Variants in FGF14 observed in about 807,000 individuals in gnomAD.
The protein encoded by FGF14 is fibroblast growth factor 14.
Under a neutral mutation model 25.5 loss-of-function variants are expected in FGF14, and 5 were observed. The ratio of observed to expected loss-of-function variants is 0.20; its 90% CI spans 0.10 to 0.41. The LOEUF (loss-of-function observed/expected upper bound fraction) is 0.41, where lower values mean the gene tolerates loss of function less well. FGF14 is among the 10% of genes least tolerant of loss of function. The probability of loss-of-function intolerance (pLI) is 1.00; values close to 1 mark genes in which losing one functional copy is unlikely to be tolerated. For synonymous variants in FGF14, 138 were observed against 118.3 expected (o/e 1.17, Z -1.08); for missense variants, 222 against 320.1 (o/e 0.69, Z 2.34).
intron 3 of FGF14, among the ~76,000 whole-genome samples, chr13:101,807,246 G>T (rs1428894847): frequency 6.6e-6 from 1 of 151,996 alleles, no homozygotes; most frequent in Non-Finnish European, 1.5e-5. Context: ...TTCCCATTTT[G>T]ATCATTGAAA....
intron 1 of FGF14, among the ~76,000 whole-genome samples, chr13:102,035,600 AC>A (rs938034692): frequency 6.6e-6 from 1 of 152,162 alleles, no homozygotes; most frequent in Non-Finnish European, 1.5e-5. Context: ...TGCATTGCTA[AC>A]TTTTACTTTT....
At chr13:101,972,799 G>A (rs750274912) in intron 1 of FGF14, among the ~76,000 whole-genome samples, 13 of 152,156 alleles carry the variant, frequency 8.5e-5, no homozygotes, top group Admixed American at 3.9e-4. Flanking sequence ...ATGAGCCACC[G>A]TGCCCAGCTT....
chr13:101,966,039 C>A (rs543850939), intron 1 of FGF14, among the ~76,000 whole-genome samples: 1 of 152,234 alleles, frequency 6.6e-6, no homozygotes, highest in South Asian at 2.1e-4. Context: ...TTAAATATAT[C>A]CAACAACAGA....
intron 1 of FGF14, among the ~76,000 whole-genome samples, chr13:102,359,003 A>G (rs2057493072): frequency 6.6e-6 from 1 of 152,174 alleles, no homozygotes; most frequent in African/African-American, 2.4e-5. Context: ...AAGGAATGAG[A>G]TCATGTCCTT....
At chr13:102,190,193 C>T (rs141515991) in intron 1 of FGF14, among the ~76,000 whole-genome samples, 1 of 152,290 alleles carries the variant, frequency 6.6e-6, no homozygotes, top group East Asian at 1.9e-4. Flanking sequence ...TCCCTCATAC[C>T]TCCCTGGCTT....
chr13:101,976,016 G>A (rs1195931936), intron 1 of FGF14, among the ~76,000 whole-genome samples: 1 of 152,220 alleles, frequency 6.6e-6, no homozygotes, highest in Non-Finnish European at 1.5e-5. Flanking sequence ...CCAGGGTGAA[G>A]ATTCGTGTTC....
rs2035060103 is a variant in FGF14 at position 101,722,471 on chromosome 13, C to A, written c.*360G>T. 5.9e-6 allele frequency: 2 copies of A among 338,282 alleles called. No individual in the cohort carries two copies. Among genetic ancestry groups the A allele is most frequent in the South Asian group, 5.3e-5 (2 of 37,808 alleles). 21.0% of individuals were successfully genotyped at this position (338,282 alleles called of 1,614,324 possible). On this transcript the variant is annotated 3_prime_UTR_variant, in exon 5 of 5. Transcript: ENST00000376143. The stretch of plus-strand genomic sequence containing the variant: ...ATTGAACTTAAACACATAGATTTCG[C>A]TGAAACAGGACTCAAAAAGGATTAT...
At chr13:102,260,788 C>T (rs180939507) in intron 1 of FGF14, among the ~76,000 whole-genome samples, 5 of 152,370 alleles carry the variant, frequency 3.3e-5, no homozygotes, top group Admixed American at 2.6e-4. Context: ...TTCACTCTCA[C>T]CTCCCTCTTG....
At chr13:101,819,820 G>A (rs529158339) in intron 3 of FGF14, among the ~76,000 whole-genome samples, 1 of 152,152 alleles carries the variant, frequency 6.6e-6, no homozygotes, top group Admixed American at 6.5e-5. Flanking sequence ...TTCTGTCTTG[G>A]GACTTTAAAT....
intron 1 of FGF14, among the ~76,000 whole-genome samples, chr13:102,220,794 A>G (rs1347634664): frequency 6.6e-6 from 1 of 152,232 alleles, no homozygotes; most frequent in Non-Finnish European, 1.5e-5. Context: ...CTTCCAGAGC[A>G]TAAGATTATA....
chr13:102,138,676 T>C (rs1292024774), intron 1 of FGF14, among the ~76,000 whole-genome samples: 1 of 151,852 alleles, frequency 6.6e-6, no homozygotes, highest in Admixed American at 6.6e-5. Flanking sequence ...GCCCTCAGTG[T>C]CCTGAACAGG....
At chr13:101,972,663 T>TTTTA (rs113925139) in intron 1 of FGF14, among the ~76,000 whole-genome samples, 56,028 of 151,662 alleles carry the variant, frequency 0.37, 10,760 homozygotes, top group East Asian at 0.71. Context: ...TAAAGTTGTA[T>TTTTA]TTTGTCTTTT....
Position 101,721,835 on chromosome 13 carries a change from G to GTAGGT in FGF14, c.*991_*995dup, listed in dbSNP as rs1445690982. On this transcript the variant is annotated 3_prime_UTR_variant, in exon 5 of 5. Coordinates refer to ENST00000376143, the MANE Select transcript of FGF14 (RefSeq NM_004115.4). ...AATGGATTTAGGTAGCGCAATTCTT[G>GTAGGT]TAGGTTATAATTACTGATTTTCCTT... 6.7e-6 allele frequency: 1 copy of GTAGGT among 149,728 alleles called. No individual in the cohort carries two copies. Among genetic ancestry groups the GTAGGT allele is most frequent in the Admixed American group, 6.7e-5 (1 of 14,882 alleles). The allele number at this position is 149,728 out of a possible 1,614,324, so 9.3% of individuals were successfully genotyped here. A position where few individuals can be genotyped will look rare whatever the true frequency, so the allele number is the denominator to read the frequency against.
At chr13:102,064,360 G>A (rs1439311894) in intron 1 of FGF14, among the ~76,000 whole-genome samples, 1 of 152,140 alleles carries the variant, frequency 6.6e-6, no homozygotes, top group African/African-American at 2.4e-5. Flanking sequence ...GCCTTTAGAT[G>A]GGTTCCTAGT....
At chr13:101,954,551 T>C (rs1227889783) in intron 1 of FGF14, among the ~76,000 whole-genome samples, 1 of 152,234 alleles carries the variant, frequency 6.6e-6, no homozygotes, top group Non-Finnish European at 1.5e-5. Context: ...CTGAGACACA[T>C]TATGGTTTTC....
chr13:101,899,424 C>A (rs1355656029), intron 1 of FGF14, among the ~76,000 whole-genome samples: 1 of 151,500 alleles, frequency 6.6e-6, no homozygotes, highest in Non-Finnish European at 1.5e-5. Flanking sequence ...AACCAAAGAA[C>A]TGAATTAATC....
chr13:102,200,848 A>G (rs147199664), intron 1 of FGF14, among the ~76,000 whole-genome samples: 1,656 of 152,182 alleles, frequency 0.011, 29 homozygotes, highest in African/African-American at 0.037. Flanking sequence ...CATGCCTGTA[A>G]TCCCAGCACA....
intron 1 of FGF14, among the ~76,000 whole-genome samples, chr13:102,372,680 G>A (rs1268163771): frequency 6.6e-6 from 1 of 151,844 alleles, no homozygotes; most frequent in Non-Finnish European, 1.5e-5. Context: ...TTTTATAAAG[G>A]AGCATACAGA....
At chr13:101,810,045 T>C (rs757366069) in intron 3 of FGF14, among the ~76,000 whole-genome samples, 2 of 152,226 alleles carry the variant, frequency 1.3e-5, no homozygotes, top group Non-Finnish European at 2.9e-5. Flanking sequence ...TAGTAGCTTT[T>C]AGTCAGTTGT....
Sources: allele counts gnomAD v4.1 joint callset (sites outside exome capture counted in the v4.1 genomes callset), GRCh38; gene constraint gnomAD v4.1.1; transcripts MANE v1.5; gene names NCBI Gene and HGNC (gene_info 2026-07-23, HGNC 2026-07-21).